The following ARMC6 variants were observed in gnomAD, a reference collection of about 807,000 sequenced individuals.
ARMC6 encodes armadillo repeat-containing protein 6.
In ARMC6, 43 loss-of-function variants were observed where a neutral mutation model predicts 49.2. The observed-to-expected ratio is 0.87, with a 90% confidence interval of 0.69 to 1.13. ARMC6 has a LOEUF of 1.13. Ranked by LOEUF, ARMC6 falls within the 50% of genes most tolerant of loss-of-function variation. The pLI is 0.00. For missense variants in ARMC6, 627 were observed against 682.0 expected, an observed-to-expected ratio of 0.92 and a Z score of 0.90; for synonymous variants, 262 against 289.6, an observed-to-expected ratio of 0.90 and a Z score of 0.97.
chr19:19,052,270 T>A, intron 5 of ARMC6, 75 bp downstream of exon 5: 1 of 1,384,126 alleles, frequency 7.2e-7, no homozygotes, highest in Non-Finnish European at 9.7e-7. Context: ...GGGTCAGGGC[T>A]CAGGACTGCT....
At chr19:19,041,440 C>T (rs1599635489) in intron 2 of ARMC6, among the ~76,000 whole-genome samples, 1 of 152,026 alleles carries the variant, frequency 6.6e-6, no homozygotes, top group African/African-American at 2.4e-5. Flanking sequence ...CCTCTGCCTC[C>T]TGGGTTCAAA....
At position 19,042,644 on chromosome 19, in the gene ARMC6, A is replaced by G. The variant is rs1382874843; in HGVS notation, c.30-67A>G. 1.9e-6 allele frequency: 3 copies of G among 1,567,430 alleles called. No homozygotes were observed. The African/African-American group carries it at 4.0e-5, about 21-fold the overall frequency. ...AGATGCTTCCTAAGTGGCGTTTTCAAGGTGGCCAGGCCCTGCCATTGCCTG... is the reference window on the plus strand; with the variant it reads ...AGATGCTTCCTAAGTGGCGTTTTCAGGGTGGCCAGGCCCTGCCATTGCCTG... On this transcript the variant is annotated intron_variant, in intron 2 of 8. Transcript: ENST00000535612.
At chr19:19,056,379 A>T (rs1309766319) in intron 8 of ARMC6, among the ~76,000 whole-genome samples, 1 of 149,870 alleles carries the variant, frequency 6.7e-6, no homozygotes, top group Non-Finnish European at 1.5e-5. Flanking sequence ...CTCCTGTCTC[A>T]GTCTCCCGAG....
chr19:19,037,438 A>G (rs1413529730), intron 2 of ARMC6: 1 of 291,716 alleles, frequency 3.4e-6, no homozygotes, highest in Non-Finnish European at 6.8e-6. Context: ...GTTCAGGGAT[A>G]TGATCTCAGC....
chr19:19,050,347 C>A (rs527291709), intron 4 of ARMC6, among the ~76,000 whole-genome samples: 1 of 152,110 alleles, frequency 6.6e-6, no homozygotes, highest in Non-Finnish European at 1.5e-5. Context: ...TGAGTGTATC[C>A]CCAGAAGTGG....
chr19:19,048,269 C>T (rs2059467496), intron 4 of ARMC6, among the ~76,000 whole-genome samples: 1 of 152,102 alleles, frequency 6.6e-6, no homozygotes, highest in Non-Finnish European at 1.5e-5. Flanking sequence ...TTGCTTGAAC[C>T]CGGGAGGCAG....
In ARMC6 at chr19:19,053,074, T is replaced by C. The variant is rs190291473; in HGVS notation, c.853+879T>C. Among the ~76,000 whole-genome samples, 731 of 152,320 alleles carry C rather than the reference T, an allele frequency of 4.8e-3. 9 individuals are homozygous for C. Among genetic ancestry groups the C allele is most frequent in the Middle Eastern group, 0.02 (6 of 294 alleles). Reference sequence around the variant, plus strand: ...GCAATTATGGCAAGTCTGTACTCCATAGGGCAGGCTGGAAACCCCCAGGCA... The same window carrying C: ...GCAATTATGGCAAGTCTGTACTCCACAGGGCAGGCTGGAAACCCCCAGGCA... On this transcript the variant is annotated intron_variant, in intron 5 of 8. Coordinates refer to ENST00000535612, the MANE Select transcript of ARMC6 (RefSeq NM_001199196.2).
rs779150296 is a variant in ARMC6, at chr19:19,055,842, G to A, written c.1207G>A (p.Asp403Asn). 26 of 1,611,964 alleles carry A rather than the reference G, an allele frequency of 1.6e-5. No homozygotes were observed. The highest frequency in any genetic ancestry group is 1.7e-4 in the Middle Eastern group (1 of 6,052). Residue 403 changes from aspartate (D) to asparagine (N), a missense_variant, in exon 8 of 9, where the codon GAC (aspartate) becomes AAC (asparagine). Coordinates refer to ENST00000535612, the MANE Select transcript of ARMC6 (RefSeq NM_001199196.2). This position sits in a 1 kb window ranked among gnomAD's most constrained non-coding sequence, Gnocchi z 5.7. ...ALCFLALRKP[D>N]NSRIIVEGGG... Reference sequence around the variant, plus strand: ...GTGCTTCCTGGCCCTGCGTAAGCCCGACAACAGCCGCATCATCGTGGAGGG... The same window carrying A: ...GTGCTTCCTGGCCCTGCGTAAGCCCAACAACAGCCGCATCATCGTGGAGGG...
intron 4 of ARMC6, among the ~76,000 whole-genome samples, chr19:19,049,628 C>T (rs1042983082): frequency 2.0e-5 from 3 of 152,186 alleles, no homozygotes; most frequent in African/African-American, 7.2e-5. Flanking sequence ...CCATGACTTG[C>T]GATACTGAAA....
rs2059500706 is a variant in ARMC6 at position 19,051,939 on chromosome 19, C to A, written c.597C>A (p.Ile199=). The A allele has an allele frequency of 6.2e-7, 1 of 1,614,152 alleles. No homozygotes were observed. Among genetic ancestry groups the A allele is most frequent in the Admixed American group, 1.7e-5 (1 of 60,016 alleles). The change falls in exon 5 of 9, where the codon ATC becomes ATA. Residue 199 remains isoleucine (I), a synonymous_variant. Coordinates refer to ENST00000535612, the MANE Select transcript of ARMC6 (RefSeq NM_001199196.2). ...ADEADLTCSG[I]RCVRHACLKH... ...AGGCTGACCTGACCTGCTCTGGGAT[C>A]CGCTGTGTGCGTCACGCTTGCCTGA... is the stretch of plus-strand genomic sequence containing the variant.
intron 2 of ARMC6, among the ~76,000 whole-genome samples, chr19:19,038,898 TACACACACAC>T (rs35676976): frequency 8.8e-5 from 13 of 147,210 alleles, no homozygotes; most frequent in South Asian, 4.3e-4. Flanking sequence ...TTTGTGTGTA[TACACACACAC>T]ACACACACAC....
Position 19,055,610 on chromosome 19 carries a change from G to GTCAC in ARMC6, c.1156-181_1156-180insTCAC, listed in dbSNP as rs2059537459. ...CTGCAAAGATCTGACCAGGCCTATT[G>GTCAC]CCCTTGTCACCCCTAAGAGCTGAGC... On this transcript the variant is annotated intron_variant, in intron 7 of 8. Coordinates refer to ENST00000535612, the MANE Select transcript of ARMC6 (RefSeq NM_001199196.2). The surrounding 1 kb of genome is among the most constrained non-coding windows in gnomAD (Gnocchi z 5.7). 6.6e-6 allele frequency among the ~76,000 whole-genome samples: 1 copy of GTCAC among 152,216 alleles called. No individual in the cohort carries two copies. Among genetic ancestry groups the GTCAC allele is most frequent in the Non-Finnish European group, 1.5e-5 (1 of 68,032 alleles).
intron 5 of ARMC6, 30 bp from the exon 6 acceptor site, chr19:19,054,122 C>T (rs2059522691): frequency 1.3e-6 from 2 of 1,494,690 alleles, no homozygotes; most frequent in South Asian, 1.4e-5. Context: ...TTCTTCCCGC[C>T]CCCACCACCG....
At chr19:19,049,909 A>C (rs1390677856) in intron 4 of ARMC6, among the ~76,000 whole-genome samples, 1 of 152,196 alleles carries the variant, frequency 6.6e-6, no homozygotes, top group Non-Finnish European at 1.5e-5. Context: ...CTGTAGTCCC[A>C]GCTGCTCAGG....
chr19:19,053,939 T>TG (rs929619202), intron 5 of ARMC6, among the ~76,000 whole-genome samples: 1 of 151,924 alleles, frequency 6.6e-6, no homozygotes, highest in South Asian at 2.1e-4. Flanking sequence ...GGAAGCGGGT[T>TG]GGGGGGCACA....
At chr19:19,039,093 C>A (rs550806452) in intron 2 of ARMC6, among the ~76,000 whole-genome samples, 2 of 151,836 alleles carry the variant, frequency 1.3e-5, no homozygotes, top group Admixed American at 1.3e-4. Flanking sequence ...AGAAATTGAG[C>A]TATAATTTAC....
intron 2 of ARMC6, among the ~76,000 whole-genome samples, chr19:19,036,776 A>G (rs1300549609): frequency 1.3e-5 from 2 of 152,360 alleles, no homozygotes; most frequent in South Asian, 4.1e-4. Context: ...TAGCTAATTT[A>G]TTGAGCCTGT....
chr19:19,051,394 TGTGTGTGTGTGTG>T (rs2059495371), intron 4 of ARMC6, among the ~76,000 whole-genome samples: 1 of 151,666 alleles, frequency 6.6e-6, no homozygotes, highest in Non-Finnish European at 1.5e-5. Context: ...TGTGTGTGTG[TGTGTGTGTGTGTG>T]TGTGTGTGTC....
At chr19:19,036,353 A>G (rs1326701319) in intron 2 of ARMC6, among the ~76,000 whole-genome samples, 1 of 152,162 alleles carries the variant, frequency 6.6e-6, no homozygotes, top group Non-Finnish European at 1.5e-5. Flanking sequence ...TGAGCCACGG[A>G]GCCAGGCCAA....
Sources: gnomAD v4.1 joint callset for allele counts (sites outside exome capture counted in the v4.1 genomes callset) on GRCh38, gnomAD v4.1.1 for gene constraint, Gnocchi (gnomAD v3.1) non-coding constraint, MANE v1.5 for transcripts, NCBI Gene and HGNC (gene_info 2026-07-23, HGNC 2026-07-21) for gene names.